AQP9: variants seen among roughly 807,000 people sequenced by gnomAD.
AQP9 encodes aquaporin-9.
A neutral mutation model predicts 23.8 loss-of-function variants in AQP9; 19 were observed. The observed-to-expected ratio is 0.80, with a 90% CI of 0.56 to 1.17. AQP9 has a LOEUF of 1.17. AQP9 is among the 50% of genes most tolerant of loss of function. AQP9 has a pLI of 0.00. For missense variants in AQP9, 413 were observed against 362.0 expected (o/e 1.14, Z -1.14); for synonymous variants, 153 against 131.5 (o/e 1.16, Z -1.12).
chr15:58,174,995 C>T lies in AQP9; in HGVS notation c.454C>T (p.Pro152Ser). 10 of 1,614,164 alleles carry T rather than the reference C, an allele frequency of 6.2e-6. No homozygotes were observed. Among genetic ancestry groups the T allele is most frequent in the Non-Finnish European group, 8.5e-6 (10 of 1,179,996 alleles). ...NATAHIFATY[P>S]APYLSLANAF... Reference sequence around the variant, plus strand: ...AACAGCACACATTTTTGCAACATACCCAGCTCCGTATCTATCTCTGGCGAA... The same window carrying T: ...AACAGCACACATTTTTGCAACATACTCAGCTCCGTATCTATCTCTGGCGAA... The change falls in exon 4 of 6, where the codon CCA (proline) becomes TCA (serine). Residue 152 changes from proline to serine, a missense_variant. Physicochemically the swap from Pro to Ser is moderately conservative, Grantham distance 74 (BLOSUM62 -1). Coordinates refer to ENST00000219919, the MANE Select transcript of AQP9 (RefSeq NM_020980.5).
intron 1 of AQP9, among the ~76,000 whole-genome samples, chr15:58,145,467 AC>A (rs1898028191): frequency 6.6e-6 from 1 of 151,840 alleles, no homozygotes; most frequent in African/African-American, 2.4e-5. Context: ...AGCCTGGGCA[AC>A]AAAATGAGAC....
intron 1 of AQP9, chr15:58,150,650 GC>G (rs1898132417): frequency 6.6e-6 from 1 of 152,142 alleles, no homozygotes; most frequent in South Asian, 2.1e-4. Context: ...CTTTACACTA[GC>G]CCTAGTGACC....
At chr15:58,144,058 G>T (rs575909489) in intron 1 of AQP9, among the ~76,000 whole-genome samples, 6 of 152,218 alleles carry the variant, frequency 3.9e-5, no homozygotes, top group South Asian at 4.1e-4. Context: ...ACTAGTAATT[G>T]TACTCAATTC....
intron 1 of AQP9, among the ~76,000 whole-genome samples, chr15:58,159,798 A>C (rs1473795247): frequency 6.6e-6 from 1 of 152,010 alleles, no homozygotes; most frequent in Non-Finnish European, 1.5e-5. Flanking sequence ...TAACATAATG[A>C]CCTCCAGTTC....
chr15:58,184,134 A>C lies in AQP9; in HGVS notation c.887A>C (p.Ter296SerextTer44). ...PEKYELSVIM* is the reference protein window; with the variant it reads ...PEKYELSVIMS ...AAATATGAACTCAGTGTCATCATGTAGTGGCATGCTCAGCTCTGGATTTGC... is the reference window on the plus strand; with the variant it reads ...AAATATGAACTCAGTGTCATCATGTCGTGGCATGCTCAGCTCTGGATTTGC... Residue 296 changes from the stop codon to serine, a stop_lost, in exon 6 of 6, where the codon TAG becomes TCG. Coordinates refer to ENST00000219919, the MANE Select transcript of AQP9 (RefSeq NM_020980.5). 1 of 1,613,834 alleles carries C rather than the reference A, an allele frequency of 6.2e-7. No individual in the cohort carries two copies. The highest frequency in any genetic ancestry group is 8.5e-7 in the Non-Finnish European group (1 of 1,179,828).
At chr15:58,167,472 G>C (rs1898534173) in intron 2 of AQP9, among the ~76,000 whole-genome samples, 1 of 152,166 alleles carries the variant, frequency 6.6e-6, no homozygotes, top group African/African-American at 2.4e-5. Flanking sequence ...GAGAAGAAAG[G>C]GAACTGAGAA....
At chr15:58,158,902 A>C (rs561613561) in intron 1 of AQP9, among the ~76,000 whole-genome samples, 2 of 152,262 alleles carry the variant, frequency 1.3e-5, no homozygotes, top group East Asian at 3.9e-4. Context: ...CGGAATTCCT[A>C]AACTTCATTA....
At chr15:58,150,934 A>G (rs1181191911) in intron 1 of AQP9, 2 of 152,194 alleles carry the variant, frequency 1.3e-5, no homozygotes, top group Non-Finnish European at 2.9e-5. Context: ...TGACTTATGA[A>G]TGAACCCAAA....
At chr15:58,162,531 G>C (rs1458283485) in intron 1 of AQP9, among the ~76,000 whole-genome samples, 1 of 152,202 alleles carries the variant, frequency 6.6e-6, no homozygotes, top group Non-Finnish European at 1.5e-5. Context: ...TTATGGGTTA[G>C]GTGAACACCT....
At chr15:58,151,902 A>T (rs1490829197) in intron 1 of AQP9, 2 of 152,068 alleles carry the variant, frequency 1.3e-5, no homozygotes, top group Non-Finnish European at 1.5e-5. Context: ...CCCCTAACAG[A>T]ATATATAGCC....
intron 4 of AQP9, among the ~76,000 whole-genome samples, chr15:58,176,863 C>T (rs1272662864): frequency 6.6e-6 from 1 of 152,084 alleles, no homozygotes; most frequent in Non-Finnish European, 1.5e-5. Context: ...CCTGCCTAAG[C>T]CTCCCAAAGC....
At chr15:58,172,892 C>G (rs1483405595) in intron 2 of AQP9, among the ~76,000 whole-genome samples, 176 bp from the exon 3 acceptor site, 1 of 152,146 alleles carries the variant, frequency 6.6e-6, no homozygotes. Context: ...ATCATTCCTC[C>G]TTCTCTCCCT....
chr15:58,179,240 T>C lies in AQP9; in HGVS notation c.608T>C (p.Ile203Thr), dbSNP rs761975633. The C allele has an allele frequency of 6.2e-7, 1 of 1,614,170 alleles. No homozygotes were observed. Among genetic ancestry groups the C allele is most frequent in the Non-Finnish European group, 8.5e-7 (1 of 1,180,006 alleles). ...PIAIGLLIIVIASSLGLNSGC... is the reference protein window; with the variant it reads ...PIAIGLLIIVTASSLGLNSGC... ...GCCATCGGCCTCCTGATTATTGTCA[T>C]TGCTTCCTCCCTGGGACTGAACAGT... is the stretch of plus-strand genomic sequence containing the variant. Residue 203 changes from isoleucine (I) to threonine (T), a missense_variant, in exon 5 of 6, where the codon ATT (isoleucine) becomes ACT (threonine). By Grantham distance (89) the Ile-to-Thr change is moderately conservative. Transcript: ENST00000219919.
intron 1 of AQP9, chr15:58,153,873 G>T (rs116214426): frequency 6.6e-6 from 1 of 151,942 alleles, no homozygotes; most frequent in African/African-American, 2.4e-5. Context: ...TATTTTCTTC[G>T]CTCTGATAGG....
intron 1 of AQP9, among the ~76,000 whole-genome samples, chr15:58,148,032 A>G (rs1008049907): frequency 5.9e-5 from 9 of 152,124 alleles, no homozygotes; most frequent in African/African-American, 2.2e-4. Context: ...CATTTCTTAT[A>G]TTTTATAGTA....
At position 58,185,898 on chromosome 15, in the gene AQP9, T is replaced by C. The variant is rs1199988959; in HGVS notation, c.*1763T>C. Reference sequence around the variant, plus strand: ...ATATTTCCTATTTGAAATAAAATTGTTCGGTCATTGTTGGTTGCTTGGTTG... The same window carrying C: ...ATATTTCCTATTTGAAATAAAATTGCTCGGTCATTGTTGGTTGCTTGGTTG... On this transcript the variant is annotated 3_prime_UTR_variant, in exon 6 of 6. Transcript: ENST00000219919. 2 of 152,252 alleles carry C rather than the reference T, an allele frequency of 1.3e-5. No individual in the cohort carries two copies. Among genetic ancestry groups the C allele is most frequent in the Non-Finnish European group, 2.9e-5 (2 of 68,056 alleles). The allele number at this position is 152,252 out of a possible 1,614,324, so 9.4% of individuals were successfully genotyped here.
At chr15:58,147,789 T>C (rs764455602) in intron 1 of AQP9, among the ~76,000 whole-genome samples, 1 of 152,108 alleles carries the variant, frequency 6.6e-6, no homozygotes, top group Non-Finnish European at 1.5e-5. Flanking sequence ...ACCCATTAAA[T>C]AGAAGGTTTA....
At chr15:58,154,807 C>G (rs146014964) in intron 1 of AQP9, among the ~76,000 whole-genome samples, 16 of 152,200 alleles carry the variant, frequency 1.1e-4, no homozygotes, top group African/African-American at 3.6e-4. Context: ...TATCCCCTCC[C>G]CATAAATAGG....
In AQP9 at chr15:58,185,840, G is replaced by A. The variant is rs981164070; in HGVS notation, c.*1705G>A. On this transcript the variant is annotated 3_prime_UTR_variant, in exon 6 of 6. Coordinates refer to ENST00000219919, the MANE Select transcript of AQP9 (RefSeq NM_020980.5). ...TATGTTCTACAATCTATGGACATAC[G>A]GGATTTTTTTTTCTTGCTTTGAAGC... 2.6e-5 allele frequency: 4 copies of A among 152,256 alleles called. No individual in the cohort carries two copies. Among genetic ancestry groups the A allele is most frequent in the South Asian group, 2.1e-4 (1 of 4,822 alleles). 9.4% of individuals were successfully genotyped at this position (152,256 alleles called of 1,614,324 possible). A position where few individuals can be genotyped will look rare whatever the true frequency, so the allele number is the denominator to read the frequency against.
Sources: allele counts gnomAD v4.1 joint callset (sites outside exome capture counted in the v4.1 genomes callset), GRCh38; gene constraint gnomAD v4.1.1; transcripts MANE v1.5; gene names NCBI Gene and HGNC (gene_info 2026-07-23, HGNC 2026-07-21).